MSRA: variants seen among roughly 807,000 people sequenced by gnomAD.
The protein encoded by MSRA is mitochondrial peptide methionine sulfoxide reductase.
MSRA carries 54 observed loss-of-function variants against 31.3 expected under a neutral mutation model. The observed-to-expected ratio is 1.73, with a 90% CI of 1.39 to 2.17. The LOEUF is 2.17. Ranked by LOEUF, MSRA falls within the 30% of genes most tolerant of loss-of-function variation. The pLI is 0.00. For synonymous variants in MSRA, 169 were observed against 116.5 expected (o/e 1.45, Z -2.90); for missense variants, 507 against 300.9 (o/e 1.69, Z -5.07).
At chr8:10,303,760 C>T (rs909133698) in intron 4 of MSRA, among the ~76,000 whole-genome samples, 35 of 152,090 alleles carry the variant, frequency 2.3e-4, no homozygotes, top group African/African-American at 7.2e-4. Flanking sequence ...AAGGGTAGGG[C>T]GAGAGATCCT....
chr8:10,413,255 G>C (rs1335137641), intron 5 of MSRA, among the ~76,000 whole-genome samples: 2 of 152,192 alleles, frequency 1.3e-5, no homozygotes, highest in African/African-American at 4.8e-5. Flanking sequence ...CCTCAGCAAA[G>C]GTAGGAGTCT....
chr8:10,107,131 G>C (rs1799939758), intron 1 of MSRA, among the ~76,000 whole-genome samples: 1 of 152,166 alleles, frequency 6.6e-6, no homozygotes, highest in Non-Finnish European at 1.5e-5. Flanking sequence ...ATGTGGCCAA[G>C]CGCAGTGACT....
chr8:10,358,623 C>T (rs1357418270), intron 5 of MSRA, among the ~76,000 whole-genome samples: 16 of 104,606 alleles, frequency 1.5e-4, no homozygotes, highest in Admixed American at 5.6e-4. Flanking sequence ...GACGGAGTCT[C>T]GCTCTGTCGC....
At chr8:10,316,063 G>C (rs999324569) in intron 4 of MSRA, among the ~76,000 whole-genome samples, 1 of 152,130 alleles carries the variant, frequency 6.6e-6, no homozygotes, top group African/African-American at 2.4e-5. Context: ...GAATAAATAT[G>C]TGGCACCTCT....
At chr8:10,130,248 A>G (rs576589455) in intron 1 of MSRA, among the ~76,000 whole-genome samples, 1 of 152,336 alleles carries the variant, frequency 6.6e-6, no homozygotes, top group South Asian at 2.1e-4. Context: ...AACATTTCTC[A>G]GCAACTTTGT....
chr8:10,097,970 A>G (rs1227586840), intron 1 of MSRA, among the ~76,000 whole-genome samples: 1 of 152,132 alleles, frequency 6.6e-6, no homozygotes, highest in Non-Finnish European at 1.5e-5. Flanking sequence ...AATGAAAGAA[A>G]ATCTCCCATA....
intron 3 of MSRA, among the ~76,000 whole-genome samples, chr8:10,261,345 A>T (rs1373797383): frequency 1.3e-5 from 2 of 151,292 alleles, no homozygotes; most frequent in Non-Finnish European, 2.9e-5. Flanking sequence ...GGTGAACAGG[A>T]TAAAATTGTT....
chr8:10,082,801 AG>A (rs1798360943), intron 1 of MSRA, among the ~76,000 whole-genome samples: 1 of 152,164 alleles, frequency 6.6e-6, no homozygotes, highest in African/African-American at 2.4e-5. Context: ...CCTCGTGTGA[AG>A]GGGGCACTGT....
intron 5 of MSRA, among the ~76,000 whole-genome samples, chr8:10,411,925 T>C (rs191969608): frequency 6.6e-6 from 1 of 152,216 alleles, no homozygotes; most frequent in East Asian, 1.9e-4. Flanking sequence ...ACACCGCCCC[T>C]GGGAAGGGAA....
chr8:10,157,315 C>A (rs1334104866), intron 1 of MSRA, among the ~76,000 whole-genome samples: 2 of 152,160 alleles, frequency 1.3e-5, no homozygotes, highest in African/African-American at 4.8e-5. Flanking sequence ...TTCAGGAACC[C>A]TGGCTTCTGC....
At chr8:10,239,877 A>G (rs1812260337) in intron 2 of MSRA, among the ~76,000 whole-genome samples, 1 of 146,922 alleles carries the variant, frequency 6.8e-6, no homozygotes, top group East Asian at 2.0e-4. Context: ...TGTTTGATTC[A>G]GTGTCCTGGA....
chr8:10,380,565 A>G (rs1265961827), intron 5 of MSRA, among the ~76,000 whole-genome samples: 1 of 152,202 alleles, frequency 6.6e-6, no homozygotes, highest in Non-Finnish European at 1.5e-5. Flanking sequence ...TCTTCCAGGG[A>G]CAGTCCAAGA....
chr8:10,224,215 A>T (rs1299107060), intron 2 of MSRA, among the ~76,000 whole-genome samples: 1 of 152,134 alleles, frequency 6.6e-6, no homozygotes, highest in Non-Finnish European at 1.5e-5. Context: ...CCGTTCACCC[A>T]CTTAGCTATA....
At chr8:10,105,437 G>C (rs191679653) in intron 1 of MSRA, among the ~76,000 whole-genome samples, 10 of 152,232 alleles carry the variant, frequency 6.6e-5, no homozygotes, top group Admixed American at 2.0e-4. Flanking sequence ...TAAACTTTTG[G>C]TCAACTTGAA....
chr8:10,320,085 T>G (rs1258759991), intron 5 of MSRA, 96 bp downstream of exon 5: 2 of 714,204 alleles, frequency 2.8e-6, no homozygotes, highest in East Asian at 2.9e-5. Flanking sequence ...TCAACTGGAA[T>G]TGTGTTTTAT....
At chr8:10,209,461 ATTGT>A (rs1563220794) in intron 2 of MSRA, among the ~76,000 whole-genome samples, 3 of 152,202 alleles carry the variant, frequency 2.0e-5, no homozygotes, top group Admixed American at 6.5e-5. Flanking sequence ...GGCTGATGAC[ATTGT>A]TTGACTACAG....
At chr8:10,231,098 T>C (rs1213958065) in intron 2 of MSRA, among the ~76,000 whole-genome samples, 1 of 152,224 alleles carries the variant, frequency 6.6e-6, no homozygotes, top group South Asian at 2.1e-4. Flanking sequence ...TTCTGTAGTT[T>C]TAAAGAAGGA....
At chr8:10,418,586 C>G (rs1425971684) in intron 5 of MSRA, among the ~76,000 whole-genome samples, 1 of 151,914 alleles carries the variant, frequency 6.6e-6, no homozygotes, top group Non-Finnish European at 1.5e-5. Flanking sequence ...GGTAGAGTGT[C>G]CAAAGCATTC....
chr8:10,060,538 G>A (rs1361913518), intron 1 of MSRA, among the ~76,000 whole-genome samples: 1 of 151,978 alleles, frequency 6.6e-6, no homozygotes, highest in Non-Finnish European at 1.5e-5. Context: ...TAATGTGACT[G>A]CATTTGTGAA....
Sources: allele counts gnomAD v4.1 joint callset (sites outside exome capture counted in the v4.1 genomes callset), GRCh38; gene constraint gnomAD v4.1.1; transcripts MANE v1.5; gene names NCBI Gene and HGNC (gene_info 2026-07-23, HGNC 2026-07-21).